The following ANKRD13C variants were observed in gnomAD, a reference collection of about 807,000 sequenced individuals.
ANKRD13C encodes the protein ankyrin repeat domain 13C, also known as ankyrin repeat domain-containing protein 13C.
Under a neutral mutation model 65.5 loss-of-function variants are expected in ANKRD13C, and 16 were observed. That is an observed-to-expected ratio of 0.24 (90% confidence interval 0.17 to 0.37). The LOEUF is 0.37. ANKRD13C is among the 10% of genes least tolerant of loss of function. ANKRD13C has a pLI of 1.00. For missense variants in ANKRD13C, 503 were observed against 655.9 expected, an observed-to-expected ratio of 0.77 and a Z score of 2.55; for synonymous variants, 235 against 238.7, an observed-to-expected ratio of 0.98 and a Z score of 0.14.
At chr1:70,348,924 C>T (rs891240036) in intron 1 of ANKRD13C, among the ~76,000 whole-genome samples, 5 of 152,170 alleles carry the variant, frequency 3.3e-5, no homozygotes, top group African/African-American at 1.2e-4. Context: ...AAATTTTTCA[C>T]ATCTAGGAAA....
chr1:70,324,771 T>A, intron 3 of ANKRD13C, 82 bp downstream of exon 3: 1 of 1,030,598 alleles, frequency 9.7e-7, no homozygotes. Flanking sequence ...TTATGGCAAG[T>A]TACAATGAAT....
chr1:70,323,373 G>A (rs1180840349), intron 3 of ANKRD13C, among the ~76,000 whole-genome samples: 12 of 152,072 alleles, frequency 7.9e-5, no homozygotes, highest in Admixed American at 6.6e-4. Flanking sequence ...GGCTGAGCAC[G>A]GTGGCTCATG....
chr1:70,312,920 G>A (rs1416977101), intron 5 of ANKRD13C, among the ~76,000 whole-genome samples: 4 of 151,954 alleles, frequency 2.6e-5, no homozygotes, highest in Non-Finnish European at 5.9e-5. Flanking sequence ...AAAAAATCTA[G>A]GGCAAAATTA....
At chr1:70,274,873 C>CCT in intron 10 of ANKRD13C, 55 bp from the exon 11 acceptor site, 3 of 1,057,950 alleles carry the variant, frequency 2.8e-6, no homozygotes. Flanking sequence ...CTATCACCTT[C>CCT]CTAAGAAGCA....
chr1:70,316,031 G>A (rs1051736197), intron 3 of ANKRD13C, among the ~76,000 whole-genome samples: 15 of 152,222 alleles, frequency 9.9e-5, no homozygotes, highest in African/African-American at 3.6e-4. Flanking sequence ...CTGACCTCAA[G>A]GAAGATCTCA....
At chr1:70,343,694 G>A (rs1475893393) in intron 1 of ANKRD13C, among the ~76,000 whole-genome samples, 1 of 152,072 alleles carries the variant, frequency 6.6e-6, no homozygotes, top group East Asian at 1.9e-4. Context: ...CACCATGCCC[G>A]ACTAATTTTT....
At chr1:70,333,176 A>T (rs1224161796) in intron 2 of ANKRD13C, among the ~76,000 whole-genome samples, 2 of 152,186 alleles carry the variant, frequency 1.3e-5, no homozygotes, top group Admixed American at 1.3e-4. Context: ...TTTTTCTTCC[A>T]TAAAATGGAG....
chr1:70,293,165 G>GGT (rs1255097877), intron 8 of ANKRD13C, among the ~76,000 whole-genome samples: 16 of 151,860 alleles, frequency 1.1e-4, no homozygotes, highest in Non-Finnish European at 2.1e-4. Flanking sequence ...AAACTCAAGT[G>GGT]GTGTAAAGGA....
chr1:70,354,602 C>G lies in ANKRD13C; in HGVS notation c.-194G>C. On this transcript the variant is annotated 5_prime_UTR_variant, in exon 1 of 13. Coordinates refer to ENST00000370944, the MANE Select transcript of ANKRD13C (RefSeq NM_030816.5). ...GCTCTCGCCTAGGCACGAAGGGACG[C>G]GCGCTCGCTGGGGGAAGCTAGAACT... The G allele has an allele frequency of 1.5e-6, 2 of 1,326,216 alleles. No individual in the cohort carries two copies. Among genetic ancestry groups the G allele is most frequent in the Non-Finnish European group, 2.0e-6 (2 of 1,001,952 alleles). The allele number at this position is 1,326,216 out of a possible 1,614,324, so 82.2% of individuals were successfully genotyped here.
At chr1:70,320,802 T>C (rs1029376547) in intron 3 of ANKRD13C, among the ~76,000 whole-genome samples, 4 of 152,038 alleles carry the variant, frequency 2.6e-5, no homozygotes, top group African/African-American at 9.7e-5. Flanking sequence ...TTTTTCTTTT[T>C]TTTTTTAGAC....
intron 1 of ANKRD13C, among the ~76,000 whole-genome samples, chr1:70,337,184 T>G (rs780510923): frequency 2.9e-5 from 4 of 136,882 alleles, no homozygotes; most frequent in Non-Finnish European, 6.3e-5. Flanking sequence ...CACACACACT[T>G]TTGCTCAATA....
chr1:70,321,396 G>A (rs1681298731), intron 3 of ANKRD13C, among the ~76,000 whole-genome samples: 1 of 152,166 alleles, frequency 6.6e-6, no homozygotes, highest in Non-Finnish European at 1.5e-5. Context: ...GCTAAATGAA[G>A]ACTTCTAGTT....
chr1:70,338,948 G>A (rs192305853), intron 1 of ANKRD13C, among the ~76,000 whole-genome samples: 28 of 152,204 alleles, frequency 1.8e-4, no homozygotes, highest in South Asian at 1.2e-3. Flanking sequence ...TTGGCCGGGC[G>A]CGGTGGCTCA....
intron 5 of ANKRD13C, among the ~76,000 whole-genome samples, chr1:70,312,285 A>G (rs1437749886): frequency 6.6e-6 from 1 of 152,186 alleles, no homozygotes; most frequent in Non-Finnish European, 1.5e-5. Context: ...AGGTTAACAA[A>G]TATCAGAATG....
At chr1:70,267,118 T>C (rs567550792) in intron 12 of ANKRD13C, among the ~76,000 whole-genome samples, 1 of 152,322 alleles carries the variant, frequency 6.6e-6, no homozygotes, top group African/African-American at 2.4e-5. Context: ...ACTTGGTATA[T>C]ATACATTTAG....
At position 70,262,687 on chromosome 1, in the gene ANKRD13C, T is replaced by C. The variant is rs1421908650; in HGVS notation, c.*30A>G. On this transcript the variant is annotated 3_prime_UTR_variant, in exon 13 of 13. Coordinates refer to ENST00000370944, the MANE Select transcript of ANKRD13C (RefSeq NM_030816.5). Reference sequence around the variant, plus strand: ...TCTAGGGTCTCTGTATTTTCTTTCCTTGGTTAGACGGCATCCTTTTCCACG... The same window carrying C: ...TCTAGGGTCTCTGTATTTTCTTTCCCTGGTTAGACGGCATCCTTTTCCACG... The C allele has an allele frequency of 6.3e-7, 1 of 1,599,944 alleles. No individual in the cohort carries two copies. The highest frequency in any genetic ancestry group is 1.3e-5 in the African/African-American group (1 of 74,326).
intron 2 of ANKRD13C, among the ~76,000 whole-genome samples, chr1:70,329,680 A>G (rs1295503890): frequency 6.6e-6 from 1 of 152,220 alleles, no homozygotes; most frequent in Non-Finnish European, 1.5e-5. Flanking sequence ...GACCCAGCAG[A>G]AAAGATGCCC....
At chr1:70,300,271 G>A (rs1680289881) in intron 7 of ANKRD13C, among the ~76,000 whole-genome samples, 1 of 152,100 alleles carries the variant, frequency 6.6e-6, no homozygotes, top group African/African-American at 2.4e-5. Flanking sequence ...GGTCAAGATG[G>A]AGACCAGAGG....
chr1:70,312,867 T>TGAA (rs1553248498), intron 5 of ANKRD13C, among the ~76,000 whole-genome samples: 1 of 151,710 alleles, frequency 6.6e-6, no homozygotes, highest in African/African-American at 2.4e-5. Context: ...ATGTTTAAAA[T>TGAA]GAGGAGAAAA....
Sources: gnomAD v4.1 joint callset for allele counts (sites outside exome capture counted in the v4.1 genomes callset) on GRCh38, gnomAD v4.1.1 for gene constraint, MANE v1.5 for transcripts, NCBI Gene and HGNC (gene_info 2026-07-23, HGNC 2026-07-21) for gene names.